The following RYR2 variants were observed in gnomAD, a reference collection of about 807,000 sequenced individuals.
The protein encoded by RYR2 is cardiac muscle ryanodine receptor-calcium release channel.
A neutral mutation model predicts 601.1 loss-of-function variants in RYR2; 227 were observed. The observed-to-expected ratio is 0.38, with a 90% CI of 0.34 to 0.42. The LOEUF (loss-of-function observed/expected upper bound fraction) is 0.42. RYR2 is among the 10% of genes least tolerant of loss of function. The probability of loss-of-function intolerance (pLI) is 1.00; values close to 1 mark genes in which losing one functional copy is unlikely to be tolerated. For missense variants in RYR2, 4,646 were observed against 6,156.5 expected, an observed-to-expected ratio of 0.75 and a Z score of 8.21; for synonymous variants, 2,223 against 2,175.1, an observed-to-expected ratio of 1.02 and a Z score of -0.61.
chr1:237,763,777 C>T (rs1693620655), intron 84 of RYR2, among the ~76,000 whole-genome samples: 2 of 152,320 alleles, frequency 1.3e-5, no homozygotes, highest in South Asian at 4.1e-4. Context: ...ATTAATATTA[C>T]AGTATCTTCC....
At position 237,717,281 on chromosome 1, in the gene RYR2, T is replaced by G. The variant is rs1195471095; in HGVS notation, c.10407T>G (p.Ala3469=). The stretch of plus-strand genomic sequence containing the variant: ...TGCAGACCTCTCTGATTGTAGCAGC[T>G]CTGAAGCGGTTACTGCCCATTGGGT... ...YSMQTSLIVA[A]LKRLLPIGLN... is the part of the protein sequence containing the mutation. The change falls in exon 72 of 105, where the codon GCT becomes GCG. Residue 3469 remains alanine, a synonymous_variant. Coordinates refer to ENST00000366574, the MANE Select transcript of RYR2 (RefSeq NM_001035.3). 2 of 1,613,656 alleles carry G rather than the reference T, an allele frequency of 1.2e-6. No individual in the cohort carries two copies. Among genetic ancestry groups the G allele is most frequent in the South Asian group, 2.2e-5 (2 of 91,060 alleles).
intron 1 of RYR2, among the ~76,000 whole-genome samples, chr1:237,261,521 C>A (rs1026133333): frequency 6.6e-6 from 1 of 152,188 alleles, no homozygotes; most frequent in African/African-American, 2.4e-5. Context: ...CTGGATTGCT[C>A]CCCCTCCACT....
At chr1:237,413,120 A>G (rs1359710598) in intron 10 of RYR2, among the ~76,000 whole-genome samples, 3 of 152,142 alleles carry the variant, frequency 2.0e-5, no homozygotes, top group Admixed American at 6.6e-5. Context: ...GCCCATGAAG[A>G]CTTGATTAGA....
chr1:237,702,251 T>C (rs1178022953), intron 66 of RYR2, among the ~76,000 whole-genome samples, 192 bp downstream of exon 66: 1 of 152,182 alleles, frequency 6.6e-6, no homozygotes, highest in East Asian at 1.9e-4. Flanking sequence ...ACAATGGAGT[T>C]ATGCAAAGAA....
intron 1 of RYR2, among the ~76,000 whole-genome samples, chr1:237,152,817 T>A (rs983801102): frequency 6.6e-6 from 1 of 152,104 alleles, no homozygotes; most frequent in African/African-American, 2.4e-5. Context: ...GGGATCTCAT[T>A]AAACTAAAGA....
At chr1:237,594,900 T>TTTTG (rs1675674486) in intron 33 of RYR2, among the ~76,000 whole-genome samples, 4 of 23,372 alleles carry the variant, frequency 1.7e-4, no homozygotes, top group East Asian at 6.3e-4. Flanking sequence ...TTTTTTTTTT[T>TTTTG]TTTTTTTTTT....
chr1:237,127,694 C>T (rs1442903359), intron 1 of RYR2, among the ~76,000 whole-genome samples: 2 of 151,854 alleles, frequency 1.3e-5, no homozygotes, highest in South Asian at 2.1e-4. Context: ...AGATGCTCCT[C>T]ACCTCCCAGA....
At chr1:237,276,199 A>G (rs1690271584) in intron 2 of RYR2, among the ~76,000 whole-genome samples, 1 of 152,132 alleles carries the variant, frequency 6.6e-6, no homozygotes, top group Non-Finnish European at 1.5e-5. Context: ...TCCTGCATTC[A>G]AGCAATTCTC....
At chr1:237,731,918 A>ACACCCC (rs753519564) in intron 77 of RYR2, 128 bp from the exon 78 acceptor site, 30 of 607,312 alleles carry the variant, frequency 4.9e-5, no homozygotes, top group African/African-American at 4.3e-4. Context: ...ACACACACAC[A>ACACCCC]CCCCACAACA....
chr1:237,311,744 G>A (rs576172106), intron 2 of RYR2, among the ~76,000 whole-genome samples: 1 of 152,158 alleles, frequency 6.6e-6, no homozygotes, highest in Non-Finnish European at 1.5e-5. Context: ...TTCCCAAAGT[G>A]TTGGGATTAC....
intron 3 of RYR2, among the ~76,000 whole-genome samples, chr1:237,350,274 ATGTTAATATC>A (rs1276134023): frequency 1.3e-5 from 2 of 151,914 alleles, no homozygotes; most frequent in Admixed American, 1.3e-4. Flanking sequence ...TGGTATAACT[ATGTTAATATC>A]TGAGAAAAGG....
At chr1:237,383,134 A>G (rs1394847859) in intron 8 of RYR2, among the ~76,000 whole-genome samples, 1 of 152,140 alleles carries the variant, frequency 6.6e-6, no homozygotes, top group East Asian at 1.9e-4. Context: ...ATGGACTTCC[A>G]TTGCAAATTG....
chr1:237,310,098 C>T (rs1323844931), intron 2 of RYR2, among the ~76,000 whole-genome samples: 1 of 152,188 alleles, frequency 6.6e-6, no homozygotes, highest in African/African-American at 2.4e-5. Flanking sequence ...TAAAGCATGG[C>T]CAGAGTGGGT....
chr1:237,386,934 A>G (rs774569636), intron 8 of RYR2, among the ~76,000 whole-genome samples: 2 of 152,264 alleles, frequency 1.3e-5, no homozygotes, highest in Non-Finnish European at 2.9e-5. Context: ...AGAGTGTGAT[A>G]TGTAGAAAAC....
intron 17 of RYR2, among the ~76,000 whole-genome samples, chr1:237,490,044 A>G (rs1259458446): frequency 6.6e-6 from 1 of 152,226 alleles, no homozygotes; most frequent in Non-Finnish European, 1.5e-5. Context: ...CATGGATGCA[A>G]CTGGAGGTTG....
In RYR2 at chr1:237,179,212, G is replaced by A. The variant is rs563232540; in HGVS notation, c.49-91285G>A. ...GAATTGGAGCTTCTATGTTGTTTCA[G>A]TCATCTTCAGAAATATTTCAGATAT... is the stretch of plus-strand genomic sequence containing the variant. On this transcript the variant is annotated intron_variant, in intron 1 of 104. Coordinates refer to ENST00000366574, the MANE Select transcript of RYR2 (RefSeq NM_001035.3). 9.9e-5 allele frequency among the ~76,000 whole-genome samples: 15 copies of A among 151,166 alleles called. No homozygotes were observed. In the South Asian group the frequency reaches 2.3e-3, roughly 23 times the overall value.
rs1660615842 is a variant in RYR2, at chr1:237,806,185, T to C, written c.14200T>C (p.Tyr4734His). 1 of 1,613,624 alleles carries C rather than the reference T, an allele frequency of 6.2e-7. No individual in the cohort carries two copies. ...WYMTMSVLGH[Y>H]NNFFFAAHLL... Reference sequence around the variant, plus strand: ...TATGACTATGTCTGTTCTTGGACACTATAACAACTTTTTTTTTGCCGCTCA... The same window carrying C: ...TATGACTATGTCTGTTCTTGGACACCATAACAACTTTTTTTTTGCCGCTCA... The change falls in exon 99 of 105, where the codon TAT becomes CAT. Residue 4734 changes from tyrosine (Y) to histidine (H), a missense_variant. Coordinates refer to ENST00000366574, the MANE Select transcript of RYR2 (RefSeq NM_001035.3).
chr1:237,580,860 C>T (rs28758333), intron 29 of RYR2, among the ~76,000 whole-genome samples: 45,303 of 151,136 alleles, frequency 0.3, 7,189 homozygotes, highest in East Asian at 0.61. Flanking sequence ...AGAAGGCTGC[C>T]ATCTACACAC....
At position 237,625,031 on chromosome 1, in the gene RYR2, T is replaced by A. The variant is rs200694569; in HGVS notation, c.6023-630T>A. On this transcript the variant is annotated intron_variant, in intron 39 of 104. Coordinates refer to ENST00000366574, the MANE Select transcript of RYR2 (RefSeq NM_001035.3). The stretch of plus-strand genomic sequence containing the variant: ...CAAATATCCCTTGTAGAAATGTGTA[T>A]GTATGTGTGTGTATATATATATTTT... Among the ~76,000 whole-genome samples the A allele has an allele frequency of 4.0e-5, 6 of 151,610 alleles. No individual in the cohort carries two copies. In the East Asian group the frequency reaches 1.2e-3, roughly 29 times the overall value.
Sources: gnomAD v4.1 joint callset for allele counts (sites outside exome capture counted in the v4.1 genomes callset) on GRCh38, gnomAD v4.1.1 for gene constraint, MANE v1.5 for transcripts, NCBI Gene and HGNC (gene_info 2026-07-23, HGNC 2026-07-21) for gene names.